The following PSG1 variants were observed in gnomAD, a reference collection of about 807,000 sequenced individuals.
PSG1 encodes the protein pregnancy-specific beta-1-glycoprotein 1.
PSG1 carries 60 observed loss-of-function variants against 41.4 expected under a neutral mutation model. The observed-to-expected ratio is 1.45, with a 90% confidence interval of 1.18 to 1.80. The LOEUF is 1.80. Among genes scored for constraint, PSG1 ranks in the 40% most tolerant of loss-of-function variants. The pLI, the probability that PSG1 is intolerant of heterozygous loss-of-function variation, is 0.00. For missense variants in PSG1, 806 were observed against 516.9 expected (o/e 1.56, Z -5.42); for synonymous variants, 256 against 192.9 (o/e 1.33, Z -2.71).
chr19:42,877,825 G>C, intron 2 of PSG1, 88 bp downstream of exon 2: 1 of 1,605,306 alleles, frequency 6.2e-7, no homozygotes, highest in Non-Finnish European at 8.5e-7. Context: ...GAGTGACACA[G>C]GCAGAGTCCA....
Position 42,871,813 on chromosome 19 carries a change from G to T in PSG1, c.663C>A (p.Asn221Lys), listed in dbSNP as rs1445705792. The T allele has an allele frequency of 1.9e-6, 3 of 1,612,594 alleles. No homozygotes were observed. Among genetic ancestry groups the T allele is most frequent in the Non-Finnish European group, 2.5e-6 (3 of 1,179,254 alleles). ...TAGPYECEIR[N>K]PVSASRSDPV... Reference sequence around the variant, plus strand: ...GGTCACTGCGGCTGGCACTCACTGGGTTCCGTATTTCACATTCATAGGGTC... The same window carrying T: ...GGTCACTGCGGCTGGCACTCACTGGTTTCCGTATTTCACATTCATAGGGTC... The change falls in exon 3 of 6, where the codon AAC becomes AAA. Residue 221 changes from asparagine to lysine, a missense_variant. By Grantham distance (94) the Asn-to-Lys change is moderately conservative (BLOSUM62 0). Coordinates refer to ENST00000436291, the MANE Select transcript of PSG1 (RefSeq NM_001184825.2).
In PSG1 at chr19:42,878,192, C is replaced by T. The variant is rs538443155; in HGVS notation, c.151G>A (p.Val51Ile). The T allele has an allele frequency of 5.6e-6, 9 of 1,612,124 alleles. 1 individual carries two copies. The East Asian group carries it at 1.3e-4, about 24-fold the overall frequency. Residue 51 changes from valine to isoleucine, a missense_variant, in exon 2 of 6, where the codon GTT (valine) becomes ATT (isoleucine). By Grantham distance (29) the Val-to-Ile change is conservative. Transcript: ENST00000436291. ...EPTKVSEGKD[V>I]LLLVHNLPQN... ...GGCAAATTGTGGACAAGTAGAAGAA[C>T]ATCCTTCCCCTCGGAAACTTTGGTT...
chr19:42,868,702 G>C (rs189374398), intron 4 of PSG1, 54 bp downstream of exon 4: 3 of 1,604,396 alleles, frequency 1.9e-6, no homozygotes, highest in Admixed American at 3.4e-5. Context: ...CTGGCATCTG[G>C]TGGTTTGGAT....
chr19:42,868,645 C>T lies in PSG1; in HGVS notation c.988+111G>A, dbSNP rs568061765. On this transcript the variant is annotated intron_variant, in intron 4 of 5. Transcript: ENST00000436291. ...AGGGAGTCATGGCCAGCTCCGATGT[C>T]CAGAAGTAAAGGTGTCTATACTTGG... The T allele has an allele frequency of 4.5e-5, 70 of 1,556,554 alleles. 5 individuals are homozygous for T. The South Asian group carries it at 8.0e-4, about 18-fold the overall frequency.
chr19:42,871,010 T>C (rs1971359698), intron 3 of PSG1, among the ~76,000 whole-genome samples: 1 of 151,528 alleles, frequency 6.6e-6, no homozygotes, highest in South Asian at 2.1e-4. Flanking sequence ...GGGTTTTTGA[T>C]TTTCCCTCTC....
intron 2 of PSG1, among the ~76,000 whole-genome samples, chr19:42,872,442 T>C (rs1031138465): frequency 1.3e-5 from 2 of 151,694 alleles, no homozygotes; most frequent in Non-Finnish European, 2.9e-5. Flanking sequence ...CACTGAGGTA[T>C]GTTTTCTCTG....
chr19:42,878,367 G>A, intron 1 of PSG1, 89 bp from the exon 2 acceptor site: 11 of 1,490,962 alleles, frequency 7.4e-6, no homozygotes, highest in Non-Finnish European at 9.0e-6. Flanking sequence ...GGTCTCTTCA[G>A]TCCTCAGCCT....
Position 42,879,293 on chromosome 19 carries a change from T to C in PSG1, c.64+225A>G, listed in dbSNP as rs188735529. 2.3e-3 allele frequency among the ~76,000 whole-genome samples: 346 copies of C among 151,138 alleles called. 2 individuals carry two copies. Among genetic ancestry groups the C allele is most frequent in the African/African-American group, 7.8e-3 (319 of 41,156 alleles). On this transcript the variant is annotated intron_variant, in intron 1 of 5. Transcript: ENST00000436291. ...TCAGCCTCCCGAGTAGCTAGGATTA[T>C]AGGAGCACACCACCATACCTGGTTA...
At chr19:42,870,241 A>T (rs1971324135) in intron 3 of PSG1, 1 of 151,800 alleles carries the variant, frequency 6.6e-6, no homozygotes, top group Non-Finnish European at 1.5e-5. Flanking sequence ...GATTTCTGAC[A>T]TTTTTTGATT....
intron 2 of PSG1, among the ~76,000 whole-genome samples, chr19:42,876,270 T>C (rs1971601316): frequency 6.6e-6 from 1 of 151,336 alleles, no homozygotes; most frequent in African/African-American, 2.4e-5. Flanking sequence ...AGGGAGACAC[T>C]GTCTTCAGAA....
Position 42,877,505 on chromosome 19 carries a change from T to G in PSG1, c.430+408A>C, listed in dbSNP as rs527921431. On this transcript the variant is annotated intron_variant, in intron 2 of 5. Transcript: ENST00000436291. ...CCTCAGCTTTATCTGGAACAAGGAT[T>G]TAGGGACAAGGGTCTGGGGTTGAGG... Among the ~76,000 whole-genome samples the G allele has an allele frequency of 2.0e-5, 3 of 151,826 alleles. No individual in the cohort carries two copies. The East Asian group carries it at 5.8e-4, about 29-fold the overall frequency.
At chr19:42,875,484 A>C (rs1329038809) in intron 2 of PSG1, among the ~76,000 whole-genome samples, 1 of 151,594 alleles carries the variant, frequency 6.6e-6, no homozygotes, top group African/African-American at 2.4e-5. Flanking sequence ...GTCTTTTGAG[A>C]TGTTTCTCAT....
chr19:42,878,255 G>A lies in PSG1; in HGVS notation c.88C>T (p.Leu30=), dbSNP rs367695726. The A allele has an allele frequency of 3.9e-5, 62 of 1,608,776 alleles. 1 individual carries two copies. The highest frequency in any genetic ancestry group is 1.8e-4 in the South Asian group (16 of 90,000). ...ATCGTGACTTGGGCAGTGGTGGGCA[G>A]GTTCCAGAAGTTTAAAAGTGATGCT... ...LTASLLNFWN[L]PTTAQVTIEA... Residue 30 remains leucine (L), a synonymous_variant, in exon 2 of 6, where the codon CTG becomes TTG. Coordinates refer to ENST00000436291, the MANE Select transcript of PSG1 (RefSeq NM_001184825.2).
chr19:42,868,000 G>A, intron 5 of PSG1, 101 bp downstream of exon 5: 2 of 1,607,750 alleles, frequency 1.2e-6, no homozygotes, highest in Admixed American at 1.7e-5. Flanking sequence ...TTGTGCCCAT[G>A]GGACACAGGC....
At chr19:42,871,651 T>A (rs1328603881) in intron 3 of PSG1, 116 bp downstream of exon 3, 32 of 1,608,696 alleles carry the variant, frequency 2.0e-5, no homozygotes, top group Admixed American at 5.0e-5. Flanking sequence ...TGGCCAGGTT[T>A]GATGTCCAGG....
chr19:42,867,837 A>G (rs1971197519), intron 5 of PSG1: 1 of 1,297,386 alleles, frequency 7.7e-7, no homozygotes. Context: ...TCATAAAAAC[A>G]TTATCTTCAT....
intron 3 of PSG1, 61 bp from the exon 4 acceptor site, chr19:42,869,095 C>T: frequency 2.5e-6 from 4 of 1,591,256 alleles, no homozygotes; most frequent in South Asian, 1.1e-5. Flanking sequence ...CCACAGGTAT[C>T]CTTCAATCAG....
rs529210061 is a variant in PSG1 at position 42,879,114 on chromosome 19, T to G, written c.64+404A>C. Reference sequence around the variant, plus strand: ...TGTCCCTCTCTGGTGTATTTTCCCCTATCCAGGCTCCAACAGAGCCTTCTT... The same window carrying G: ...TGTCCCTCTCTGGTGTATTTTCCCCGATCCAGGCTCCAACAGAGCCTTCTT... On this transcript the variant is annotated intron_variant, in intron 1 of 5. Transcript: ENST00000436291. Among the ~76,000 whole-genome samples, 5 of 151,494 alleles carry G rather than the reference T, an allele frequency of 3.3e-5. 1 individual carries two copies. Among genetic ancestry groups the G allele is most frequent in the African/African-American group, 1.2e-4 (5 of 41,310 alleles).
At chr19:42,871,342 G>A (rs2122513075) in intron 3 of PSG1, among the ~76,000 whole-genome samples, 1 of 151,758 alleles carries the variant, frequency 6.6e-6, no homozygotes, top group South Asian at 2.1e-4. Context: ...AGGAAGAAAT[G>A]GTGGGGGCAT....
Sources: allele counts gnomAD v4.1 joint callset (sites outside exome capture counted in the v4.1 genomes callset), GRCh38; gene constraint gnomAD v4.1.1; transcripts MANE v1.5; gene names NCBI Gene and HGNC (gene_info 2026-07-23, HGNC 2026-07-21).